Variants in NKAIN2 observed in about 807,000 individuals in gnomAD.
The protein encoded by NKAIN2 is sodium/potassium transporting ATPase interacting 2.
A neutral mutation model predicts 32.6 loss-of-function variants in NKAIN2; 14 were observed. The observed-to-expected ratio is 0.43, with a 90% CI of 0.28 to 0.67. NKAIN2 has a LOEUF of 0.67. NKAIN2 is among the 30% of genes least tolerant of loss of function. The probability of loss-of-function intolerance (pLI) is 0.17; values close to 1 mark genes in which losing one functional copy is unlikely to be tolerated. For synonymous variants in NKAIN2, 80 were observed against 87.2 expected, an observed-to-expected ratio of 0.92 and a Z score of 0.46; for missense variants, 198 against 258.3, an observed-to-expected ratio of 0.77 and a Z score of 1.60.
intron 2 of NKAIN2, among the ~76,000 whole-genome samples, chr6:124,303,482 G>A (rs1796383053): frequency 6.6e-6 from 1 of 152,134 alleles, no homozygotes; most frequent in African/African-American, 2.4e-5. Flanking sequence ...CTTGAGAACA[G>A]GCAAGAATGC....
rs905581685 is a variant in NKAIN2, at chr6:124,466,054, T to A, written c.273+110707T>A. 1.4e-4 allele frequency among the ~76,000 whole-genome samples: 21 copies of A among 152,088 alleles called. 1 individual carries two copies. The highest frequency in any genetic ancestry group is 1.2e-3 in the Admixed American group (19 of 15,256). ...CCATCCTTCTTTCATAGGTTTAAAATCTTTATTGAAGGGATCACTGTAATG... is the reference window on the plus strand; with the variant it reads ...CCATCCTTCTTTCATAGGTTTAAAAACTTTATTGAAGGGATCACTGTAATG... On this transcript the variant is annotated intron_variant, in intron 3 of 6. Transcript: ENST00000368417.
chr6:124,183,976 T>C (rs1016576704), intron 1 of NKAIN2, among the ~76,000 whole-genome samples: 1 of 152,182 alleles, frequency 6.6e-6, no homozygotes, highest in African/African-American at 2.4e-5. Flanking sequence ...ATTTGTACTT[T>C]GGCCTAATGT....
intron 4 of NKAIN2, among the ~76,000 whole-genome samples, chr6:124,744,877 A>G (rs1443409246): frequency 6.6e-6 from 1 of 151,858 alleles, no homozygotes; most frequent in Non-Finnish European, 1.5e-5. Flanking sequence ...ATGTTTTCCA[A>G]GAAACATCTC....
intron 3 of NKAIN2, among the ~76,000 whole-genome samples, chr6:124,630,232 C>A (rs1266168304): frequency 6.6e-6 from 1 of 152,026 alleles, no homozygotes; most frequent in Non-Finnish European, 1.5e-5. Context: ...AGTTATAAAG[C>A]AGAGTGGCTA....
intron 3 of NKAIN2, among the ~76,000 whole-genome samples, chr6:124,570,540 CT>C (rs915366790): frequency 6.6e-6 from 1 of 152,196 alleles, no homozygotes; most frequent in African/African-American, 2.4e-5. Flanking sequence ...CAGACTGTGG[CT>C]TTAGAGGGTG....
chr6:124,044,944 C>T (rs1782048960), intron 1 of NKAIN2, among the ~76,000 whole-genome samples: 1 of 151,862 alleles, frequency 6.6e-6, no homozygotes, highest in African/African-American at 2.4e-5. Flanking sequence ...AAGTCTTTTA[C>T]TTTTTAGCAC....
rs530888469 is a variant in NKAIN2 at position 124,804,275 on chromosome 6, C to G, written c.535+12876C>G. ...GTTTCTTAAAATCTCACCTAAGGCA[C>G]TGCCCTCACTGAGAATTAGCAGATA... On this transcript the variant is annotated intron_variant, in intron 5 of 6. Coordinates refer to ENST00000368417, the MANE Select transcript of NKAIN2 (RefSeq NM_001040214.3). Among the ~76,000 whole-genome samples, 6 of 152,302 alleles carry G rather than the reference C, an allele frequency of 3.9e-5. No homozygotes were observed. The South Asian group carries it at 1.2e-3, about 32-fold the overall frequency.
chr6:124,049,355 A>G (rs1782293142), intron 1 of NKAIN2, among the ~76,000 whole-genome samples: 1 of 152,046 alleles, frequency 6.6e-6, no homozygotes, highest in Admixed American at 6.6e-5. Context: ...GATGCAATGA[A>G]GGGTCCTAAA....
rs566482934 is a variant in NKAIN2 at position 124,539,106 on chromosome 6, T to A, written c.274-119080T>A. On this transcript the variant is annotated intron_variant, in intron 3 of 6. Transcript: ENST00000368417. The stretch of plus-strand genomic sequence containing the variant: ...TACATTCCTAATGTGTAGCACATAT[T>A]TGACACTAAGTAGAGATTCAGAAAA... Among the ~76,000 whole-genome samples the A allele has an allele frequency of 1.1e-4, 17 of 152,318 alleles. No individual in the cohort carries two copies. The South Asian group carries it at 3.5e-3, about 32-fold the overall frequency.
At chr6:124,796,592 T>C (rs1431498423) in intron 5 of NKAIN2, among the ~76,000 whole-genome samples, 2 of 152,114 alleles carry the variant, frequency 1.3e-5, no homozygotes, top group Non-Finnish European at 2.9e-5. Context: ...GCCAGCTCCA[T>C]ACTCACTGCC....
At chr6:124,545,776 G>A (rs532696838) in intron 3 of NKAIN2, among the ~76,000 whole-genome samples, 2 of 151,846 alleles carry the variant, frequency 1.3e-5, no homozygotes, top group Non-Finnish European at 2.9e-5. Flanking sequence ...ACTAAATGAT[G>A]GTAATATAAT....
intron 3 of NKAIN2, among the ~76,000 whole-genome samples, chr6:124,611,469 T>C (rs1297829087): frequency 3.3e-5 from 5 of 152,102 alleles, no homozygotes; most frequent in African/African-American, 1.2e-4. Context: ...TGTCAACCCA[T>C]CATCTAAGTT....
chr6:124,008,291 C>G (rs1352464696), intron 1 of NKAIN2, among the ~76,000 whole-genome samples: 2 of 151,998 alleles, frequency 1.3e-5, no homozygotes, highest in African/African-American at 4.8e-5. Flanking sequence ...TTTTATTTTC[C>G]TAGCAACGAA....
At chr6:124,126,601 G>C (rs114776207) in intron 1 of NKAIN2, among the ~76,000 whole-genome samples, 1 of 152,008 alleles carries the variant, frequency 6.6e-6, no homozygotes, top group Non-Finnish European at 1.5e-5. Flanking sequence ...TGATTTAGCC[G>C]TTCAGTATTG....
Position 123,976,372 on chromosome 6 carries a change from CATATATATATATAT to C in NKAIN2, c.54+172149_54+172162del, listed in dbSNP as rs60189624. 2.3e-3 allele frequency among the ~76,000 whole-genome samples: 25 copies of C among 10,920 alleles called. 4 individuals are homozygous for C. Among genetic ancestry groups the C allele is most frequent in the South Asian group, 0.011 (2 of 190 alleles). The allele number at this position is 10,920 out of a possible 152,430, so 7.2% of individuals were successfully genotyped here. ...CCATATATATATATATATATATTCC[CATATATATATATAT>C]ATATATATATATATATATATATATA... On this transcript the variant is annotated intron_variant, in intron 1 of 6. Transcript: ENST00000368417.
chr6:124,343,744 A>C (rs1469646338), intron 2 of NKAIN2, among the ~76,000 whole-genome samples: 1 of 150,086 alleles, frequency 6.7e-6, no homozygotes, highest in Non-Finnish European at 1.5e-5. Context: ...CTTTGTCAGA[A>C]GAGTAGTTTG....
intron 5 of NKAIN2, among the ~76,000 whole-genome samples, chr6:124,816,725 GA>G (rs1015447400): frequency 3.3e-5 from 5 of 152,154 alleles, no homozygotes; most frequent in African/African-American, 7.2e-5. Flanking sequence ...AGAATAACTA[GA>G]AAAAAGTAAG....
chr6:124,323,545 G>T (rs1263152595), intron 2 of NKAIN2, among the ~76,000 whole-genome samples: 1 of 151,966 alleles, frequency 6.6e-6, no homozygotes, highest in Non-Finnish European at 1.5e-5. Context: ...TTGTTGAAAA[G>T]ACTACTCTTT....
In NKAIN2 at chr6:123,948,953, G is replaced by C. The variant is rs1356861204; in HGVS notation, c.54+144699G>C. On this transcript the variant is annotated intron_variant, in intron 1 of 6. Coordinates refer to ENST00000368417, the MANE Select transcript of NKAIN2 (RefSeq NM_001040214.3). ...TGGTTTTCGGATATAGCAAGAGAAA[G>C]GAGTCCAGTTTGTTCTTCTGCATGT... is the stretch of plus-strand genomic sequence containing the variant. Among the ~76,000 whole-genome samples the C allele has an allele frequency of 1.3e-5, 2 of 151,874 alleles. 1 individual carries two copies. Among genetic ancestry groups the C allele is most frequent in the South Asian group, 4.1e-4 (2 of 4,824 alleles).
Sources: allele counts gnomAD v4.1 joint callset (sites outside exome capture counted in the v4.1 genomes callset), GRCh38; gene constraint gnomAD v4.1.1; transcripts MANE v1.5; gene names NCBI Gene and HGNC (gene_info 2026-07-23, HGNC 2026-07-21).